Variants in MARCHF11 observed in about 807,000 individuals in gnomAD.
MARCHF11 encodes the protein membrane associated ring-CH-type finger 11, also known as E3 ubiquitin-protein ligase MARCHF11.
A neutral mutation model predicts 37.3 loss-of-function variants in MARCHF11; 29 were observed. The observed-to-expected ratio is 0.78, with a 90% confidence interval of 0.58 to 1.06. The LOEUF (loss-of-function observed/expected upper bound fraction) is 1.06. MARCHF11 is among the 50% of genes least tolerant of loss of function. The pLI is 0.00. For synonymous variants in MARCHF11, 233 were observed against 228.0 expected, an observed-to-expected ratio of 1.02 and a Z score of -0.20; for missense variants, 482 against 533.4, an observed-to-expected ratio of 0.90 and a Z score of 0.95.
chr5:16,092,197 T>C (rs562463810), intron 2 of MARCHF11, among the ~76,000 whole-genome samples: 1 of 152,326 alleles, frequency 6.6e-6, no homozygotes, highest in Admixed American at 6.5e-5. Context: ...TGTCTGTCTC[T>C]CTGTCACTCT....
chr5:16,100,349 A>G (rs1736934988), intron 2 of MARCHF11, among the ~76,000 whole-genome samples: 2 of 152,226 alleles, frequency 1.3e-5, no homozygotes, highest in South Asian at 2.1e-4. Context: ...ATGAATCAGA[A>G]CAAAGGTAAA....
At position 16,124,577 on chromosome 5, in the gene MARCHF11, A is replaced by G. The variant is rs138646013; in HGVS notation, c.694-33496T>C. 3.3e-3 allele frequency among the ~76,000 whole-genome samples: 501 copies of G among 152,286 alleles called. 6 individuals carry two copies. Among genetic ancestry groups the G allele is most frequent in the African/African-American group, 0.01 (426 of 41,560 alleles). ...TCAGTCAGGATGCAGACAGCCACCA[A>G]TGAAGTTTCTACATGGGTCTGGGAA... On this transcript the variant is annotated intron_variant, in intron 2 of 3. Transcript: ENST00000332432.
intron 2 of MARCHF11, among the ~76,000 whole-genome samples, chr5:16,175,995 G>A (rs1020601956): frequency 1.3e-5 from 2 of 152,180 alleles, no homozygotes; most frequent in Admixed American, 1.3e-4. Flanking sequence ...TGCACAGTTT[G>A]GGAGTTACTT....
chr5:16,111,396 A>T (rs915770908), intron 2 of MARCHF11, among the ~76,000 whole-genome samples: 1 of 152,220 alleles, frequency 6.6e-6, no homozygotes, highest in African/African-American at 2.4e-5. Flanking sequence ...CTTGTTGGCA[A>T]CTGGGGTAAA....
chr5:16,092,620 A>G (rs147891001), intron 2 of MARCHF11, among the ~76,000 whole-genome samples: 2,295 of 152,218 alleles, frequency 0.015, 41 homozygotes, highest in African/African-American at 0.052. Context: ...CATTAGGACA[A>G]ATACCTAATG....
chr5:16,087,044 GCTTAAATCCTAAAGTGA>G (rs1736712301), intron 3 of MARCHF11, among the ~76,000 whole-genome samples: 1 of 152,166 alleles, frequency 6.6e-6, no homozygotes, highest in Admixed American at 6.5e-5. Context: ...ACTGCCACTA[GCTTAAATCCTAAAGTGA>G]CTTAAATCCT....
intron 2 of MARCHF11, among the ~76,000 whole-genome samples, chr5:16,158,733 A>G (rs745864429): frequency 6.6e-5 from 10 of 151,954 alleles, no homozygotes; most frequent in African/African-American, 2.4e-4. Context: ...TTCAGGGTAC[A>G]TGTGCAGGAT....
At chr5:16,103,748 A>G (rs564788749) in intron 2 of MARCHF11, among the ~76,000 whole-genome samples, 1 of 152,262 alleles carries the variant, frequency 6.6e-6, no homozygotes, top group African/African-American at 2.4e-5. Flanking sequence ...CTGACCTGGC[A>G]GTTTCTGTTT....
At chr5:16,160,365 TA>T (rs1738053200) in intron 2 of MARCHF11, among the ~76,000 whole-genome samples, 1 of 145,180 alleles carries the variant, frequency 6.9e-6, no homozygotes, top group South Asian at 2.1e-4. Context: ...ATATTTAATA[TA>T]TAAATATTAA....
In MARCHF11 at chr5:16,179,475, G is replaced by A. The variant is rs1738433510; in HGVS notation, c.101C>T (p.Pro34Leu). The A allele has an allele frequency of 8.8e-7, 1 of 1,137,884 alleles. No homozygotes were observed. Among genetic ancestry groups the A allele is most frequent in the Middle Eastern group, 3.7e-4 (1 of 2,716 alleles). The allele number at this position is 1,137,884 out of a possible 1,614,324, so 70.5% of individuals were successfully genotyped here. A position where few individuals can be genotyped will look rare whatever the true frequency, so the allele number is the denominator to read the frequency against. The change falls in exon 1 of 4, where the codon CCG becomes CTG. Residue 34 changes from proline to leucine, a missense_variant. Pro to Leu is a moderately conservative substitution (Grantham distance 98). Coordinates refer to ENST00000332432, the MANE Select transcript of MARCHF11 (RefSeq NM_001102562.3). The stretch of plus-strand genomic sequence containing the variant: ...GACCGGGGCCGGCTCTCCCGGCGGC[G>A]GCGTCGGCGGCGGCGGCGGGGGAGG... ...PQPPPPPPPT[P>L]PPGEPAPVPA...
At chr5:16,137,757 A>T (rs1737631403) in intron 2 of MARCHF11, among the ~76,000 whole-genome samples, 1 of 152,136 alleles carries the variant, frequency 6.6e-6, no homozygotes, top group South Asian at 2.1e-4. Flanking sequence ...CTTATTGGGA[A>T]CTGGAGGAAC....
chr5:16,068,305 C>A (rs1169423915), intron 3 of MARCHF11, among the ~76,000 whole-genome samples: 1 of 152,192 alleles, frequency 6.6e-6, no homozygotes, highest in Admixed American at 6.5e-5. Flanking sequence ...GTTATTTGTA[C>A]TCTCCTCAAC....
intron 3 of MARCHF11, among the ~76,000 whole-genome samples, chr5:16,084,678 T>G (rs1224714394): frequency 6.6e-6 from 1 of 150,436 alleles, no homozygotes; most frequent in Non-Finnish European, 1.5e-5. Context: ...TACATGGATT[T>G]AAAGAAAAAT....
intron 2 of MARCHF11, among the ~76,000 whole-genome samples, chr5:16,116,045 A>C (rs1737221971): frequency 6.6e-6 from 1 of 152,210 alleles, no homozygotes; most frequent in South Asian, 2.1e-4. Flanking sequence ...GCAAACGTTT[A>C]GTGGCATGAT....
intron 2 of MARCHF11, among the ~76,000 whole-genome samples, chr5:16,106,254 T>C (rs961323787): frequency 6.6e-6 from 1 of 152,162 alleles, no homozygotes; most frequent in Non-Finnish European, 1.5e-5. Flanking sequence ...TGGCACCCCA[T>C]TCAAAATAAG....
At position 16,179,342 on chromosome 5, in the gene MARCHF11, T is replaced by C; in HGVS notation, c.234A>G (p.Gly78=). The change falls in exon 1 of 4, where the codon GGA becomes GGG. Residue 78 remains glycine, a synonymous_variant. Coordinates refer to ENST00000332432, the MANE Select transcript of MARCHF11 (RefSeq NM_001102562.3). ...PLGEVAPRCR[G]ADELPPPPLP... ...GGGGCGGAGGCGGCAGCTCGTCCGC[T>C]CCCCTGCACCGCGGGGCCACCTCCC... The C allele has an allele frequency of 8.4e-7, 1 of 1,192,724 alleles. No individual in the cohort carries two copies. Among genetic ancestry groups the C allele is most frequent in the Non-Finnish European group, 1.0e-6 (1 of 963,938 alleles). The allele number at this position is 1,192,724 out of a possible 1,614,324, so 73.9% of individuals were successfully genotyped here.
In MARCHF11 at chr5:16,179,645, G is replaced by T; in HGVS notation, c.-70C>A. ...GGCTCTGGCTGCAGGGAAAGAGAGC[G>T]CGGAGGGGGCGGGAGGGAGAGGGGA... On this transcript the variant is annotated 5_prime_UTR_variant, in exon 1 of 4. Coordinates refer to ENST00000332432, the MANE Select transcript of MARCHF11 (RefSeq NM_001102562.3). 9.3e-7 allele frequency: 1 copy of T among 1,074,862 alleles called. No individual in the cohort carries two copies. The highest frequency in any genetic ancestry group is 1.1e-6 in the Non-Finnish European group (1 of 880,584). The allele number at this position is 1,074,862 out of a possible 1,614,324, so 66.6% of individuals were successfully genotyped here. A position where few individuals can be genotyped will look rare whatever the true frequency, so the allele number is the denominator to read the frequency against.
intron 2 of MARCHF11, among the ~76,000 whole-genome samples, chr5:16,103,520 C>A (rs1333938418): frequency 6.6e-6 from 1 of 152,154 alleles, no homozygotes; most frequent in Non-Finnish European, 1.5e-5. Flanking sequence ...AAGGATGTTG[C>A]AGAGATGTTC....
intron 3 of MARCHF11, among the ~76,000 whole-genome samples, chr5:16,083,228 G>A (rs1210711777): frequency 6.6e-6 from 1 of 152,132 alleles, no homozygotes; most frequent in African/African-American, 2.4e-5. Context: ...TGTGCAAGTG[G>A]TCCCGAATCA....
Sources: gnomAD v4.1 joint callset for allele counts (sites outside exome capture counted in the v4.1 genomes callset) on GRCh38, gnomAD v4.1.1 for gene constraint, MANE v1.5 for transcripts, NCBI Gene and HGNC (gene_info 2026-07-23, HGNC 2026-07-21) for gene names.